Variants in NFIA observed in about 807,000 individuals in gnomAD.
NFIA encodes the protein nuclear factor I A.
Under a neutral mutation model 62.8 loss-of-function variants are expected in NFIA, and 8 were observed. The observed-to-expected ratio is 0.13, with a 90% CI of 0.07 to 0.23. NFIA has a LOEUF of 0.23. Among genes scored for constraint, NFIA ranks in the 10% least tolerant of loss-of-function variants. NFIA has a pLI of 1.00. For synonymous variants in NFIA, 235 were observed against 238.1 expected (o/e 0.99, Z 0.12); for missense variants, 410 against 642.1 (o/e 0.64, Z 3.91).
At chr1:61,308,594 T>C (rs1659928144) in intron 3 of NFIA, among the ~76,000 whole-genome samples, 1 of 152,212 alleles carries the variant, frequency 6.6e-6, no homozygotes, top group African/African-American at 2.4e-5. Flanking sequence ...GTGAGGATGG[T>C]GCCCCTGTGG....
chr1:61,166,789 A>G lies in NFIA; in HGVS notation c.559+78109A>G, dbSNP rs748124932. Among the ~76,000 whole-genome samples the G allele has an allele frequency of 2.0e-5, 3 of 152,212 alleles. 1 individual carries two copies. Among genetic ancestry groups the G allele is most frequent in the Admixed American group, 6.5e-5 (1 of 15,280 alleles). On this transcript the variant is annotated intron_variant, in intron 2 of 10. Coordinates refer to ENST00000403491, the MANE Select transcript of NFIA (RefSeq NM_001134673.4). ...ACAGTCAATTCAGGAGGGTTTATTGAGGACCTACTTTGTGTGAGGATAAAT... is the reference window on the plus strand; with the variant it reads ...ACAGTCAATTCAGGAGGGTTTATTGGGGACCTACTTTGTGTGAGGATAAAT...
At chr1:61,129,896 G>A (rs114662408) in intron 2 of NFIA, among the ~76,000 whole-genome samples, 2,506 of 152,276 alleles carry the variant, frequency 0.016, 76 homozygotes, top group African/African-American at 0.058. Context: ...TACTCCTACA[G>A]AGAGCAACCA....
At chr1:61,373,549 T>TTA (rs971573478) in intron 6 of NFIA, among the ~76,000 whole-genome samples, 17 of 152,092 alleles carry the variant, frequency 1.1e-4, no homozygotes, top group African/African-American at 4.1e-4. Context: ...AAATTAAATT[T>TTA]TATCCATAGG....
At chr1:61,103,245 A>G (rs1646542508) in intron 2 of NFIA, among the ~76,000 whole-genome samples, 1 of 152,200 alleles carries the variant, frequency 6.6e-6, no homozygotes, top group East Asian at 1.9e-4. Flanking sequence ...GTTCTATTGT[A>G]GTACAGGTAT....
At chr1:61,316,185 T>G (rs959083442) in intron 3 of NFIA, among the ~76,000 whole-genome samples, 2 of 152,178 alleles carry the variant, frequency 1.3e-5, no homozygotes, top group Non-Finnish European at 2.9e-5. Context: ...TAACAGTTTT[T>G]AAAATCAAGT....
At chr1:61,200,208 C>T (rs1557632247) in intron 2 of NFIA, among the ~76,000 whole-genome samples, 1 of 151,326 alleles carries the variant, frequency 6.6e-6, no homozygotes, top group Non-Finnish European at 1.5e-5. Flanking sequence ...CCAGTTGCTG[C>T]TTTAGATCTC....
chr1:61,406,553 C>G lies in NFIA; in HGVS notation c.1255-9C>G, dbSNP rs374963406. ...GTACGTGTGTTTTCTGCCCCCCCCC[C>G]CCCCACAGCCCAATGGGAGCAGCCA... is the stretch of plus-strand genomic sequence containing the variant. On this transcript the variant is annotated splice_polypyrimidine_tract_variant and intron_variant, in intron 8 of 10. Coordinates refer to ENST00000403491, the MANE Select transcript of NFIA (RefSeq NM_001134673.4). 2.8e-3 allele frequency: 3,695 copies of G among 1,319,402 alleles called. 269 individuals are homozygous for G. The African/African-American group carries it at 0.053, about 19-fold the overall frequency. 81.7% of individuals were successfully genotyped at this position (1,319,402 alleles called of 1,614,324 possible).
Position 61,205,899 on chromosome 1 carries a change from C to G in NFIA, c.560-71621C>G, listed in dbSNP as rs904702172. ...AGGTTTTACTCTTTTTATTTTGCAG[C>G]CCTTTTTTTTTTTTTTTTTTTTTTT... On this transcript the variant is annotated intron_variant, in intron 2 of 10. Transcript: ENST00000403491. Among the ~76,000 whole-genome samples the G allele has an allele frequency of 5.6e-5, 7 of 125,302 alleles. No homozygotes were observed. In the East Asian group the frequency reaches 1.4e-3, roughly 24 times the overall value. The allele number at this position is 125,302 out of a possible 152,430, so 82.2% of individuals were successfully genotyped here. A position where few individuals can be genotyped will look rare whatever the true frequency, so the allele number is the denominator to read the frequency against.
intron 6 of NFIA, among the ~76,000 whole-genome samples, chr1:61,375,624 C>A (rs1382803526): frequency 6.6e-6 from 1 of 152,106 alleles, no homozygotes; most frequent in African/African-American, 2.4e-5. Context: ...CAAATCCTGG[C>A]TCCTCCACTC....
At chr1:61,103,218 C>T (rs183068103) in intron 2 of NFIA, among the ~76,000 whole-genome samples, 16 of 152,290 alleles carry the variant, frequency 1.1e-4, no homozygotes, top group African/African-American at 3.6e-4. Context: ...ATCTTGTCTT[C>T]CTGCCTGTGT....
chr1:61,256,991 T>C (rs1275041467), intron 2 of NFIA, among the ~76,000 whole-genome samples: 1 of 152,234 alleles, frequency 6.6e-6, no homozygotes, highest in African/African-American at 2.4e-5. Flanking sequence ...TTAAGTGTTA[T>C]AATTAAAGGA....
chr1:61,453,443 C>CTTTTTTTTTTTTTTTTTTTTTTTTTTTT (rs11336299), intron 10 of NFIA, among the ~76,000 whole-genome samples: 2 of 78,868 alleles, frequency 2.5e-5, no homozygotes, highest in African/African-American at 5.1e-5. Flanking sequence ...TGTGAAGAAA[C>CTTTTTTTTTTTTTTTTTTTTTTTTTTTT]TTTTTTTTTT....
intron 2 of NFIA, among the ~76,000 whole-genome samples, chr1:61,149,047 T>C (rs1323134546): frequency 1.0e-5 from 1 of 98,806 alleles, no homozygotes; most frequent in Non-Finnish European, 1.9e-5. Flanking sequence ...TCTTTTCTTT[T>C]TCTTTCTTTC....
At chr1:61,444,003 T>C (rs1217857998) in intron 10 of NFIA, among the ~76,000 whole-genome samples, 1 of 152,192 alleles carries the variant, frequency 6.6e-6, no homozygotes, top group Non-Finnish European at 1.5e-5. Context: ...CCCTGAGATC[T>C]TTTTGACCTC....
chr1:61,316,466 A>ATG (rs1005427509), intron 3 of NFIA, among the ~76,000 whole-genome samples: 2 of 152,162 alleles, frequency 1.3e-5, no homozygotes, highest in Admixed American at 6.5e-5. Context: ...GTATTCAAAA[A>ATG]TGTGTGAGGG....
intron 10 of NFIA, among the ~76,000 whole-genome samples, chr1:61,442,078 C>T (rs1667609924): frequency 6.6e-6 from 1 of 152,088 alleles, no homozygotes; most frequent in African/African-American, 2.4e-5. Flanking sequence ...CTGGACTATC[C>T]CCTCGCACCC....
chr1:61,144,634 T>C (rs551529919), intron 2 of NFIA, among the ~76,000 whole-genome samples: 5 of 152,294 alleles, frequency 3.3e-5, no homozygotes, highest in South Asian at 4.1e-4. Context: ...GTTTCTTCAT[T>C]GTGCAAATGA....
chr1:61,219,469 CTT>C (rs1376257365), intron 2 of NFIA, among the ~76,000 whole-genome samples: 6 of 152,018 alleles, frequency 3.9e-5, no homozygotes, highest in Non-Finnish European at 8.8e-5. Context: ...AATCCCAACA[CTT>C]TAGGAGGCTG....
At position 61,317,397 on chromosome 1, in the gene NFIA, A is replaced by G. The variant is rs1660421572; in HGVS notation, c.626-15115A>G. ...CTATAGATATTCAATATGTATTTAA[A>G]GAAGAGATGGTGATTTATATTTGAA... On this transcript the variant is annotated intron_variant, in intron 3 of 10. Transcript: ENST00000403491. Among the ~76,000 whole-genome samples the G allele has an allele frequency of 2.6e-5, 4 of 152,076 alleles. No homozygotes were observed. In the South Asian group the frequency reaches 8.3e-4, roughly 32 times the overall value.
Sources: allele counts gnomAD v4.1 joint callset (sites outside exome capture counted in the v4.1 genomes callset), GRCh38; gene constraint gnomAD v4.1.1; transcripts MANE v1.5; gene names NCBI Gene and HGNC (gene_info 2026-07-23, HGNC 2026-07-21).